The following NOP56 variants were observed in gnomAD, a reference collection of about 807,000 sequenced individuals.
NOP56 encodes NOP56 ribonucleoprotein.
In NOP56, 31 loss-of-function variants were observed where a neutral mutation model predicts 58.3. That is an observed-to-expected ratio of 0.53 (90% CI 0.40 to 0.72). The LOEUF is 0.72. Among genes scored for constraint, NOP56 ranks in the 30% least tolerant of loss-of-function variants. The probability of loss-of-function intolerance (pLI) is 0.00; values close to 1 mark genes in which losing one functional copy is unlikely to be tolerated. For missense variants in NOP56, 669 were observed against 739.9 expected (o/e 0.90, Z 1.11); for synonymous variants, 313 against 282.8 (o/e 1.11, Z -1.07).
chr20:2,656,615 C>T (rs2086822053), intron 9 of NOP56, 66 bp downstream of exon 9: 2 of 1,605,896 alleles, frequency 1.2e-6, no homozygotes, highest in African/African-American at 1.3e-5. Context: ...AGGCTTGCAA[C>T]CATAGCTTCC....
At position 2,655,534 on chromosome 20, in the gene NOP56, C is replaced by G. The variant is rs769296772; in HGVS notation, c.757+22C>G. The G allele has an allele frequency of 6.8e-6, 11 of 1,614,078 alleles. No individual in the cohort carries two copies. In the South Asian group the frequency reaches 1.2e-4, roughly 18 times the overall value. On this transcript the variant is annotated intron_variant, in intron 6 of 11. Coordinates refer to ENST00000329276, the MANE Select transcript of NOP56 (RefSeq NM_006392.4). ...ATGGGTCAGTGCAGAGCCTGGCAAC[C>G]TGCATAAGGTATGGGGCTCTAAATA...
intron 1 of NOP56, 65 bp from the exon 2 acceptor site, chr20:2,652,777 C>T (rs772825896): frequency 1.7e-6 from 2 of 1,142,874 alleles, no homozygotes; most frequent in East Asian, 6.7e-5. Context: ...CTGCGCCTGC[C>T]CTGGGAACGG....
At position 2,657,093 on chromosome 20, in the gene NOP56, G is replaced by A. The variant is rs149581558; in HGVS notation, c.1294G>A (p.Ala432Thr). 1.2e-4 allele frequency: 186 copies of A among 1,614,164 alleles called. No homozygotes were observed. In the African/African-American group the frequency reaches 2.2e-3, roughly 19 times the overall value. The part of the protein sequence containing the change: ...KEAMVQAEEA[A>T]AEITRKLEKQ... The stretch of plus-strand genomic sequence containing the variant: ...TTTCTTTGACCAGGCAGAGGAAGCG[G>A]CTGCTGAGATTACTAGGAAGCTGGA... The change falls in exon 11 of 12, where the codon GCT becomes ACT. Residue 432 changes from alanine to threonine, a missense_variant. This residue lies in a region of NOP56 where 209 missense variants were observed against 196.2 expected (regional missense o/e 1.07). Coordinates refer to ENST00000329276, the MANE Select transcript of NOP56 (RefSeq NM_006392.4).
Position 2,655,766 on chromosome 20 carries a change from A to G in NOP56, c.909+20A>G, listed in dbSNP as rs2086808723. ...GAAGCGGTGCGTCACAGGGGACTCA[A>G]AAATGGGAGAATAAGGACTGTTGCC... On this transcript the variant is annotated intron_variant, in intron 7 of 11. Coordinates refer to ENST00000329276, the MANE Select transcript of NOP56 (RefSeq NM_006392.4). 1.2e-6 allele frequency: 2 copies of G among 1,614,158 alleles called. No individual in the cohort carries two copies. Among genetic ancestry groups the G allele is most frequent in the Non-Finnish European group, 8.5e-7 (1 of 1,180,020 alleles).
intron 4 of NOP56, 72 bp from the exon 5 acceptor site, chr20:2,654,677 C>T (rs2086794407): frequency 6.2e-7 from 1 of 1,605,768 alleles, no homozygotes; most frequent in African/African-American, 1.3e-5. Context: ...GGCCTTCAGG[C>T]TGGGCTGGTG....
chr20:2,657,358 C>T (rs781339526), intron 11 of NOP56, 140 bp downstream of exon 11: 16 of 1,210,066 alleles, frequency 1.3e-5, no homozygotes, highest in Non-Finnish European at 1.9e-5. Flanking sequence ...CTAAAACTAC[C>T]TCTTGATTCT....
Position 2,653,320 on chromosome 20 carries a change from CG to C in NOP56, c.136del (p.Val46PhefsTer63), listed in dbSNP as rs1281423403. 6.2e-7 allele frequency: 1 copy of C among 1,614,074 alleles called. No individual in the cohort carries two copies. The highest frequency in any genetic ancestry group is 8.5e-7 in the Non-Finnish European group (1 of 1,180,026). Reference protein sequence around the residue: ...VLNLGKFHSIVRLVAFCPFAS... With the variant: ...VLNLGKFHSIXRLVAFCPFAS... Reference sequence around the variant, plus strand: ...TCAACCTGGGCAAATTCCACAGCATCGTTCGTCTGGTGGCCTTTTGTCCCTT... The same window carrying C: ...TCAACCTGGGCAAATTCCACAGCATCTTCGTCTGGTGGCCTTTTGTCCCTT... On this transcript the variant is annotated frameshift_variant, in exon 3 of 12. Transcript: ENST00000329276. LOFTEE classifies it high-confidence loss of function.
chr20:2,653,860 G>A, intron 3 of NOP56: 1 of 281,310 alleles, frequency 3.6e-6, no homozygotes, highest in Non-Finnish European at 7.1e-6. Flanking sequence ...TCACCATGTT[G>A]GCCAGGCTAG....
Position 2,657,216 on chromosome 20 carries a change from G to A in NOP56, c.1417G>A (p.Glu473Lys). The A allele has an allele frequency of 6.2e-7, 1 of 1,614,188 alleles. No homozygotes were observed. The highest frequency in any genetic ancestry group is 8.5e-7 in the Non-Finnish European group (1 of 1,180,028). The change falls in exon 11 of 12, where the codon GAG becomes AAG. Residue 473 changes from glutamate (E) to lysine (K), a missense_variant and splice_region_variant. By Grantham distance (56) the Glu-to-Lys change is moderately conservative. Around this residue, in one of 3 missense-constraint regions of NOP56, gnomAD observed 209 missense variants for 196.2 expected, o/e 1.07. Transcript: ENST00000329276. ...ENSSSTPEEC[E>K]EMSEKPKKKK... ...CAGCAGTAGTACTCCAGAGGAGTGT[G>A]AGGTCAGTAGGCAGCACGGCCCTGG...
intron 2 of NOP56, 30 bp downstream of exon 2, chr20:2,652,961 G>C: frequency 6.5e-7 from 1 of 1,547,502 alleles, no homozygotes; most frequent in East Asian, 2.4e-5. Flanking sequence ...TCCTTTGGCG[G>C]CCCCGCAGAC....
In NOP56 at chr20:2,653,293, G is replaced by C. The variant is rs370357483; in HGVS notation, c.108G>C (p.Val36=). 44 of 1,613,824 alleles carry C rather than the reference G, an allele frequency of 2.7e-5. No individual in the cohort carries two copies. The highest frequency in any genetic ancestry group is 3.6e-5 in the Non-Finnish European group (43 of 1,179,830). The change falls in exon 3 of 12, where the codon GTG becomes GTC. Residue 36 remains valine (V), a synonymous_variant. Transcript: ENST00000329276. ...TCTCCCCCCAGGTGGAGGAGTCTGTGCTCAACCTGGGCAAATTCCACAGCA... is the reference window on the plus strand; with the variant it reads ...TCTCCCCCCAGGTGGAGGAGTCTGTCCTCAACCTGGGCAAATTCCACAGCA... ...SLLQPQVEES[V]LNLGKFHSIV...
rs928613018 is a variant in NOP56 at position 2,655,578 on chromosome 20, C to T, written c.758-17C>T. The T allele has an allele frequency of 3.1e-6, 5 of 1,614,174 alleles. No homozygotes were observed. Among genetic ancestry groups the T allele is most frequent in the Non-Finnish European group, 4.2e-6 (5 of 1,180,030 alleles). ...CTAAATAGCTGGCCTCTTGCATTCA[C>T]ACTTGGTTTTTCCTAGGCATGGACA... On this transcript the variant is annotated splice_polypyrimidine_tract_variant and intron_variant, in intron 6 of 11. Coordinates refer to ENST00000329276, the MANE Select transcript of NOP56 (RefSeq NM_006392.4).
At position 2,658,276 on chromosome 20, in the gene NOP56, A is replaced by C; in HGVS notation, c.1767A>C (p.Lys589Asn). Residue 589 changes from lysine (K) to asparagine (N), a missense_variant, in exon 12 of 12, where the codon AAA becomes AAC. Physicochemically the swap from Lys to Asn is moderately conservative, Grantham distance 94. This residue lies in a region of NOP56 where 209 missense variants were observed against 196.2 expected (regional missense o/e 1.07). Transcript: ENST00000329276. The stretch of plus-strand genomic sequence containing the variant: ...CCAAGAAGAAGAAAAAGTTCCATAA[A>C]GCATCCCAGGAAGATTAGAATGCAA... ...SSSKKKKKFH[K>N]ASQED The C allele has an allele frequency of 6.3e-7, 1 of 1,595,788 alleles. No homozygotes were observed. The highest frequency in any genetic ancestry group is 1.1e-5 in the South Asian group (1 of 88,556).
intron 10 of NOP56, 68 bp downstream of exon 10, chr20:2,656,963 T>C: frequency 6.2e-7 from 1 of 1,613,852 alleles, no homozygotes; most frequent in Non-Finnish European, 8.5e-7. Flanking sequence ...TGTCTGAGCC[T>C]GACCTTGTAG....
chr20:2,656,724 G>A (rs948476293), intron 9 of NOP56, 50 bp from the exon 10 acceptor site: 1 of 1,614,018 alleles, frequency 6.2e-7, no homozygotes, highest in Non-Finnish European at 8.5e-7. Flanking sequence ...ACAGGGTTGG[G>A]GTAGTTTCTC....
Position 2,653,381 on chromosome 20 carries a change from G to A in NOP56, c.196G>A (p.Ala66Thr). The change falls in exon 3 of 12, where the codon GCC becomes ACC. Residue 66 changes from alanine (A) to threonine (T), a missense_variant. Ala to Thr is a moderately conservative substitution (Grantham distance 58). This residue lies in a region of NOP56 where 121 missense variants were observed against 113.1 expected (regional missense o/e 1.07). Transcript: ENST00000329276. ...SSQVALENAN[A>T]VSEGVVHEDL... ...CCAGGTTGCCTTGGAAAATGCCAAC[G>A]CCGTGTCTGAAGGTAAGTCGGCCAC... 1.2e-6 allele frequency: 2 copies of A among 1,613,910 alleles called. No homozygotes were observed. The highest frequency in any genetic ancestry group is 1.1e-5 in the South Asian group (1 of 91,072).
In NOP56 at chr20:2,654,730, C is replaced by T. The variant is rs767532549; in HGVS notation, c.371-19C>T. The T allele has an allele frequency of 1.1e-5, 18 of 1,612,802 alleles. No individual in the cohort carries two copies. Among genetic ancestry groups the T allele is most frequent in the Admixed American group, 1.0e-4 (6 of 60,002 alleles). On this transcript the variant is annotated intron_variant, in intron 4 of 11. Transcript: ENST00000329276. ...TAGCTCAGAGCCCCTTGTTGCTCACCGTCTTGCCCTCTTCTTAGGAGTTCG... is the reference window on the plus strand; with the variant it reads ...TAGCTCAGAGCCCCTTGTTGCTCACTGTCTTGCCCTCTTCTTAGGAGTTCG...
At position 2,655,762 on chromosome 20, in the gene NOP56, C is replaced by T; in HGVS notation, c.909+16C>T. ...TGGGGAAGCGGTGCGTCACAGGGGA[C>T]TCAAAAATGGGAGAATAAGGACTGT... is the stretch of plus-strand genomic sequence containing the variant. On this transcript the variant is annotated intron_variant, in intron 7 of 11. Transcript: ENST00000329276. 6.2e-7 allele frequency: 1 copy of T among 1,614,002 alleles called. No individual in the cohort carries two copies. Among genetic ancestry groups the T allele is most frequent in the African/African-American group, 1.3e-5 (1 of 75,008 alleles).
At chr20:2,652,790 T>G (rs1467328381) in intron 1 of NOP56, 52 bp from the exon 2 acceptor site, 2 of 1,532,826 alleles carry the variant, frequency 1.3e-6, no homozygotes, top group Non-Finnish European at 1.8e-6. Flanking sequence ...GGGAACGGGT[T>G]CCGGCAGACG....
Sources: allele counts gnomAD v4.1 joint callset, GRCh38; gene constraint gnomAD v4.1.1; regional missense constraint gnomAD v4.1.1; transcripts MANE v1.5; gene names NCBI Gene and HGNC (gene_info 2026-07-23, HGNC 2026-07-21).